The following EP400 variants were observed in gnomAD, a reference collection of about 807,000 sequenced individuals.
EP400 encodes the protein E1A binding protein p400, also known as E1A-binding protein p400.
In EP400, 105 loss-of-function variants were observed where a neutral mutation model predicts 354.1. That is an observed-to-expected ratio of 0.30 (90% CI 0.25 to 0.35). The LOEUF is 0.35. EP400 is among the 10% of genes least tolerant of loss of function. The pLI, the probability that EP400 is intolerant of heterozygous loss-of-function variation, is 1.00. For missense variants in EP400, 3,280 were observed against 4,121.0 expected (o/e 0.80, Z 5.59); for synonymous variants, 1,646 against 1,716.9 (o/e 0.96, Z 1.02).
At position 132,017,466 on chromosome 12, in the gene EP400, T is replaced by G; in HGVS notation, c.3924-69T>G. On this transcript the variant is annotated intron_variant, in intron 19 of 52. Coordinates refer to ENST00000389561, the MANE Select transcript of EP400 (RefSeq NM_015409.5). This position sits in a 1 kb window ranked among gnomAD's most constrained non-coding sequence, Gnocchi z 5.0. ...GCCTTTCTGGAGTTGGGACAGTCGA[T>G]GGTGAGGGTGGGACTATGTCCATGT... is the stretch of plus-strand genomic sequence containing the variant. 1 of 1,522,930 alleles carries G rather than the reference T, an allele frequency of 6.6e-7. No individual in the cohort carries two copies. The highest frequency in any genetic ancestry group is 8.9e-7 in the Non-Finnish European group (1 of 1,117,936). 94.3% of individuals were successfully genotyped at this position (1,522,930 alleles called of 1,614,324 possible).
chr12:131,995,773 C>G (rs113428597), intron 12 of EP400, among the ~76,000 whole-genome samples: 6,004 of 126,922 alleles, frequency 0.047, 171 homozygotes, highest in Non-Finnish European at 0.068. Context: ...CTGAATGTAC[C>G]GTTCATCTTG....
intron 7 of EP400, among the ~76,000 whole-genome samples, chr12:131,988,281 C>T (rs1444069903): frequency 1.3e-5 from 2 of 152,154 alleles, no homozygotes; most frequent in Non-Finnish European, 2.9e-5. Context: ...CTTCAGAGCC[C>T]AGCATGCGTT....
In EP400 at chr12:132,062,525, C is replaced by T; in HGVS notation, c.8158C>T (p.Gln2720Ter). The change falls in exon 47 of 53, where the codon CAG (glutamine) becomes TAG (stop). Residue 2720 changes from glutamine (Q) to a stop codon, truncating the protein, a stop_gained. Coordinates refer to ENST00000389561, the MANE Select transcript of EP400 (RefSeq NM_015409.5). LOFTEE classifies it high-confidence loss of function. Reference protein sequence around the residue: ...ITPAHFQLLRQQQQQQQQQQQ... With the variant: ...ITPAHFQLLR ...ACCTGCACATTTCCAGCTTCTCAGGCAGCAGCAGCAGCAGCAGCAACAACA... is the reference window on the plus strand; with the variant it reads ...ACCTGCACATTTCCAGCTTCTCAGGTAGCAGCAGCAGCAGCAGCAACAACA... The T allele has an allele frequency of 6.4e-7, 1 of 1,566,538 alleles. No individual in the cohort carries two copies. The highest frequency in any genetic ancestry group is 8.7e-7 in the Non-Finnish European group (1 of 1,148,812).
chr12:132,020,329 C>T, intron 22 of EP400, 111 bp downstream of exon 22: 1 of 1,275,416 alleles, frequency 7.8e-7, no homozygotes, highest in African/African-American at 1.5e-5. Flanking sequence ...TGAGTGGGAA[C>T]AGGCACCACC....
chr12:131,985,328 G>A (rs776014090), intron 5 of EP400, among the ~76,000 whole-genome samples: 5 of 152,262 alleles, frequency 3.3e-5, no homozygotes, highest in Non-Finnish European at 5.9e-5. Flanking sequence ...CGGACAGCAC[G>A]TAAGTGGATG....
At chr12:131,993,819 C>T (rs1468586743) in intron 11 of EP400, among the ~76,000 whole-genome samples, 1 of 152,228 alleles carries the variant, frequency 6.6e-6, no homozygotes, top group African/African-American at 2.4e-5. Flanking sequence ...TACAGTCTTA[C>T]AGGGTCCCAT....
intron 45 of EP400, among the ~76,000 whole-genome samples, chr12:132,055,989 A>C (rs1895497343): frequency 6.6e-6 from 1 of 151,806 alleles, no homozygotes; most frequent in Non-Finnish European, 1.5e-5. Context: ...GCAGGTGGGC[A>C]TGGGAGGAGC....
chr12:131,959,656 C>T (rs538174281), intron 1 of EP400, among the ~76,000 whole-genome samples: 1 of 152,346 alleles, frequency 6.6e-6, no homozygotes, highest in South Asian at 2.1e-4. Context: ...AGGCAACTCA[C>T]CCCAGAGTGA....
chr12:132,045,200 T>C, intron 37 of EP400, 119 bp from the exon 38 acceptor site: 1 of 1,489,096 alleles, frequency 6.7e-7, no homozygotes, highest in Non-Finnish European at 9.0e-7. Flanking sequence ...GGCAGGTGCT[T>C]TCTGTGGCCT....
chr12:131,986,475 T>G (rs1892857911), intron 5 of EP400, 39 bp from the exon 6 acceptor site: 1 of 1,545,608 alleles, frequency 6.5e-7, no homozygotes. Context: ...CCCCGACATC[T>G]TTTCTTCACC....
Position 131,982,120 on chromosome 12 carries a change from C to A in EP400, c.1571C>A (p.Ala524Glu). 6.5e-7 allele frequency: 1 copy of A among 1,546,632 alleles called. No individual in the cohort carries two copies. ...QGGMPPTPQA[A>E]QLAGQRQSQQ... Reference sequence around the variant, plus strand: ...GGAATGCCCCCCACGCCGCAGGCCGCGCAGCTCGCTGGACAGAGGCAGAGT... The same window carrying A: ...GGAATGCCCCCCACGCCGCAGGCCGAGCAGCTCGCTGGACAGAGGCAGAGT... The change falls in exon 5 of 53, where the codon GCG (alanine) becomes GAG (glutamate). Residue 524 changes from alanine to glutamate, a missense_variant. Physicochemically the swap from Ala to Glu is moderately radical, Grantham distance 107. This residue lies in a region of EP400 where 800 missense variants were observed against 840.0 expected (regional missense o/e 0.95). Coordinates refer to ENST00000389561, the MANE Select transcript of EP400 (RefSeq NM_015409.5).
intron 12 of EP400, among the ~76,000 whole-genome samples, chr12:131,999,444 CTTTG>C (rs529532204): frequency 4.6e-5 from 7 of 152,044 alleles, no homozygotes; most frequent in South Asian, 2.1e-4. Context: ...GTATTGCATG[CTTTG>C]TTTGTTTGTT....
chr12:132,026,814 C>A (rs1445723973), intron 25 of EP400, among the ~76,000 whole-genome samples: 1 of 152,156 alleles, frequency 6.6e-6, no homozygotes, highest in African/African-American at 2.4e-5. Context: ...TGACTCTTAC[C>A]CCTGGGCCCC....
intron 2 of EP400, among the ~76,000 whole-genome samples, chr12:131,974,467 T>A (rs181593441): frequency 1.3e-5 from 2 of 152,306 alleles, no homozygotes; most frequent in East Asian, 3.9e-4. Context: ...TTCCTTTTGG[T>A]AGCTGCCAAC....
chr12:131,974,639 T>G (rs1206745068), intron 2 of EP400, among the ~76,000 whole-genome samples: 1 of 152,166 alleles, frequency 6.6e-6, no homozygotes, highest in Non-Finnish European at 1.5e-5. Context: ...TTCAGAGTGT[T>G]TTTTCTTTGT....
intron 25 of EP400, among the ~76,000 whole-genome samples, chr12:132,026,171 G>C (rs1894298072): frequency 6.6e-6 from 1 of 152,148 alleles, no homozygotes; most frequent in South Asian, 2.1e-4. Flanking sequence ...TCTTTGTCCG[G>C]CCCGAGCTGC....
chr12:132,059,883 T>C (rs1218346227), intron 45 of EP400, among the ~76,000 whole-genome samples: 4 of 149,014 alleles, frequency 2.7e-5, no homozygotes, highest in Admixed American at 6.7e-5. Context: ...ATCAGCCAGG[T>C]GTGGTGGCAC....
In EP400 at chr12:132,038,079, G is replaced by T. The variant is rs773346438; in HGVS notation, c.6190G>T (p.Ala2064Ser). ...SVTETIAPKI[A>S]RPFIEALKSI... Reference sequence around the variant, plus strand: ...CACGGAAACCATTGCACCCAAAATTGCAAGACCTTTCATAGAGGTAAGAAT... The same window carrying T: ...CACGGAAACCATTGCACCCAAAATTTCAAGACCTTTCATAGAGGTAAGAAT... The change falls in exon 32 of 53, where the codon GCA (alanine) becomes TCA (serine). Residue 2064 changes from alanine to serine, a missense_variant. Ala to Ser is a moderately conservative substitution (Grantham distance 99, BLOSUM62 1). Around this residue, in one of 20 missense-constraint regions of EP400, gnomAD observed 60 missense variants for 109.9 expected, o/e 0.55. Transcript: ENST00000389561. The surrounding 1 kb of genome is among the most constrained non-coding windows in gnomAD (Gnocchi z 4.2). 1.2e-6 allele frequency: 2 copies of T among 1,614,200 alleles called. No homozygotes were observed. The highest frequency in any genetic ancestry group is 1.7e-5 in the Admixed American group (1 of 60,032).
chr12:132,069,626 G>A lies in EP400; in HGVS notation c.9006G>A (p.Val3002=). The A allele has an allele frequency of 1.2e-6, 2 of 1,614,198 alleles. No homozygotes were observed. The highest frequency in any genetic ancestry group is 1.7e-6 in the Non-Finnish European group (2 of 1,180,016). Residue 3002 remains valine (V), a synonymous_variant, in exon 51 of 53, where the codon GTG becomes GTA. Coordinates refer to ENST00000389561, the MANE Select transcript of EP400 (RefSeq NM_015409.5). ...QAQKLAGAQQ[V]QTQIQVAKLP... ...AGAAACTGGCCGGGGCCCAGCAAGT[G>A]CAGACCCAGATCCAGGTGAGCGGGG... is the stretch of plus-strand genomic sequence containing the variant.
Sources: allele counts gnomAD v4.1 joint callset (sites outside exome capture counted in the v4.1 genomes callset), GRCh38; gene constraint gnomAD v4.1.1; regional missense constraint gnomAD v4.1.1; non-coding constraint Gnocchi (gnomAD v3.1); transcripts MANE v1.5; gene names NCBI Gene and HGNC (gene_info 2026-07-23, HGNC 2026-07-21).